The following MACO1 variants were observed in gnomAD, a reference collection of about 807,000 sequenced individuals.
MACO1 encodes macoilin.
A neutral mutation model predicts 78.7 loss-of-function variants in MACO1; 14 were observed. The ratio of observed to expected loss-of-function variants is 0.18; its 90% CI spans 0.12 to 0.28. The LOEUF is 0.28. Among genes scored for constraint, MACO1 ranks in the 10% least tolerant of loss-of-function variants. The probability of loss-of-function intolerance (pLI) is 1.00; values close to 1 mark genes in which losing one functional copy is unlikely to be tolerated. For synonymous variants in MACO1, 288 were observed against 291.6 expected (o/e 0.99, Z 0.12); for missense variants, 501 against 799.0 (o/e 0.63, Z 4.50).
In MACO1 at chr1:25,446,724, A is replaced by G. The variant is rs1254549949; in HGVS notation, c.81-38A>G. 8 of 1,536,614 alleles carry G rather than the reference A, an allele frequency of 5.2e-6. No individual in the cohort carries two copies. In the South Asian group the frequency reaches 9.8e-5, roughly 19 times the overall value. ...ATTTTCTATTTCTAGTTATTCACAA[A>G]TGACCTTAAATTAATTCTTTATTTT... On this transcript the variant is annotated intron_variant, in intron 1 of 10. Transcript: ENST00000374343.
chr1:25,489,951 T>C (rs1194268676), intron 9 of MACO1, among the ~76,000 whole-genome samples: 1 of 152,068 alleles, frequency 6.6e-6, no homozygotes, highest in Non-Finnish European at 1.5e-5. Context: ...TAACGATTAG[T>C]CAGTAAAAGG....
At chr1:25,448,589 G>A (rs1364366769) in intron 2 of MACO1, among the ~76,000 whole-genome samples, 1 of 152,148 alleles carries the variant, frequency 6.6e-6, no homozygotes, top group Non-Finnish European at 1.5e-5. Flanking sequence ...ATGATTTGAG[G>A]ACCATAAAGT....
chr1:25,439,661 C>G (rs2042951068), intron 1 of MACO1, among the ~76,000 whole-genome samples: 1 of 150,512 alleles, frequency 6.6e-6, no homozygotes. Context: ...GGCTCACACA[C>G]AAATTTCTGT....
intron 1 of MACO1, among the ~76,000 whole-genome samples, chr1:25,439,776 T>C (rs2042953214): frequency 6.6e-6 from 1 of 152,012 alleles, no homozygotes; most frequent in Non-Finnish European, 1.5e-5. Context: ...CCCAGCACTT[T>C]GGGAGGCTGA....
At chr1:25,479,310 T>G (rs1020554464) in intron 6 of MACO1, among the ~76,000 whole-genome samples, 1 of 152,218 alleles carries the variant, frequency 6.6e-6, no homozygotes, top group African/African-American at 2.4e-5. Flanking sequence ...AGTATTGAAC[T>G]TCAGCACCAA....
chr1:25,435,939 T>C (rs920239942), intron 1 of MACO1, among the ~76,000 whole-genome samples: 11 of 152,240 alleles, frequency 7.2e-5, no homozygotes, highest in African/African-American at 2.2e-4. Flanking sequence ...CTGAGCAGTC[T>C]TGGCAGTTTA....
intron 6 of MACO1, among the ~76,000 whole-genome samples, chr1:25,470,897 A>G (rs1339300697): frequency 2.0e-5 from 3 of 151,892 alleles, no homozygotes; most frequent in Non-Finnish European, 4.4e-5. Context: ...GCGTGGTGGC[A>G]TGTGCCTGTA....
At chr1:25,446,720 A>T (rs1029403008) in intron 1 of MACO1, 42 bp from the exon 2 acceptor site, 1 of 1,523,652 alleles carries the variant, frequency 6.6e-7, no homozygotes, top group Admixed American at 2.1e-5. Flanking sequence ...CTAGTTATTC[A>T]CAAATGACCT....
At chr1:25,490,200 G>A (rs746516820) in intron 9 of MACO1, among the ~76,000 whole-genome samples, 5 of 152,130 alleles carry the variant, frequency 3.3e-5, no homozygotes, top group Non-Finnish European at 5.9e-5. Context: ...ATTGGGGAAG[G>A]TATGAATATT....
chr1:25,498,364 C>G lies in MACO1; in HGVS notation c.1893C>G (p.Ser631Arg). 6.2e-7 allele frequency: 1 copy of G among 1,614,086 alleles called. No homozygotes were observed. The highest frequency in any genetic ancestry group is 8.5e-7 in the Non-Finnish European group (1 of 1,180,024). ...GCATAACATACAGTGCCGCCACCAG[C>G]CCCCTGAGCCCTGTTTCCCCCCACT... ...MPSITYSAAT[S>R]PLSPVSPHYS... is the part of the protein sequence containing the mutation. Residue 631 changes from serine to arginine, a missense_variant, in exon 11 of 11, where the codon AGC becomes AGG. By Grantham distance (110) the Ser-to-Arg change is moderately radical. Around this residue, in one of 5 missense-constraint regions of MACO1, gnomAD observed 66 missense variants for 101.6 expected, o/e 0.65. Transcript: ENST00000374343.
chr1:25,478,489 G>A (rs2043342456), intron 6 of MACO1, among the ~76,000 whole-genome samples: 2 of 152,158 alleles, frequency 1.3e-5, no homozygotes, highest in South Asian at 2.1e-4. Context: ...GGGAGAAGGT[G>A]AGATATAGTT....
chr1:25,434,305 G>A (rs78100356), intron 1 of MACO1, among the ~76,000 whole-genome samples: 57 of 152,304 alleles, frequency 3.7e-4, no homozygotes, highest in African/African-American at 1.3e-3. Context: ...AAAAAAATCT[G>A]ACCCAGCCCA....
chr1:25,458,349 G>A (rs199661017), intron 5 of MACO1, 42 bp from the exon 6 acceptor site: 5 of 1,528,558 alleles, frequency 3.3e-6, no homozygotes, highest in African/African-American at 1.4e-5. Context: ...TAAATATTCC[G>A]GTGGGGGCTT....
chr1:25,437,957 A>G lies in MACO1; in HGVS notation c.80+6779A>G, dbSNP rs561407604. On this transcript the variant is annotated intron_variant, in intron 1 of 10. Transcript: ENST00000374343. ...ATTGGCTGGGCGTGGTGGTTAATAT[A>G]ATCCCAAAGTGCTGATATTATAGGC... Among the ~76,000 whole-genome samples, 30 of 152,244 alleles carry G rather than the reference A, an allele frequency of 2.0e-4. No individual in the cohort carries two copies. The South Asian group carries it at 6.0e-3, about 31-fold the overall frequency.
At chr1:25,469,621 T>C (rs2043249369) in intron 6 of MACO1, among the ~76,000 whole-genome samples, 1 of 151,176 alleles carries the variant, frequency 6.6e-6, no homozygotes, top group African/African-American at 2.4e-5. Flanking sequence ...AATACTGCTG[T>C]GTAACCTCTG....
chr1:25,431,065 C>G lies in MACO1; in HGVS notation c.-34C>G. ...CGGCAGCTGAGGTGAGAGACGGCGG[C>G]GGCGGCGCGGGCACCCGGCCCCCCA... On this transcript the variant is annotated 5_prime_UTR_variant, in exon 1 of 11. Transcript: ENST00000374343. The G allele has an allele frequency of 6.5e-7, 1 of 1,541,098 alleles. No individual in the cohort carries two copies. The highest frequency in any genetic ancestry group is 8.7e-7 in the Non-Finnish European group (1 of 1,143,358).
intron 1 of MACO1, among the ~76,000 whole-genome samples, chr1:25,439,421 G>A (rs2042948635): frequency 6.6e-6 from 1 of 151,758 alleles, no homozygotes; most frequent in Admixed American, 6.6e-5. Flanking sequence ...AACAAAAAAG[G>A]GCATATTTCA....
chr1:25,453,309 G>A (rs917932419), intron 3 of MACO1, among the ~76,000 whole-genome samples: 5 of 151,024 alleles, frequency 3.3e-5, no homozygotes, highest in Non-Finnish European at 5.9e-5. Flanking sequence ...CCAGCCCAGT[G>A]AATATTTTTA....
intron 10 of MACO1, 70 bp from the exon 11 acceptor site, chr1:25,498,191 GGGA>G (rs2124617018): frequency 6.6e-7 from 1 of 1,506,740 alleles, no homozygotes; most frequent in East Asian, 2.3e-5. Flanking sequence ...AATCTACTTA[GGGA>G]TTGGCCCCTG....
Sources: gnomAD v4.1 joint callset for allele counts (sites outside exome capture counted in the v4.1 genomes callset) on GRCh38, gnomAD v4.1.1 for gene constraint, gnomAD v4.1.1 regional missense constraint, MANE v1.5 for transcripts, NCBI Gene and HGNC (gene_info 2026-07-23, HGNC 2026-07-21) for gene names.